The following RASGEF1A variants were observed in gnomAD, a reference collection of about 807,000 sequenced individuals.
The protein encoded by RASGEF1A is ras-GEF domain-containing family member 1A.
A neutral mutation model predicts 56.4 loss-of-function variants in RASGEF1A; 18 were observed. The observed-to-expected ratio is 0.32, with a 90% CI of 0.22 to 0.47. RASGEF1A has a LOEUF of 0.47. Ranked by LOEUF, RASGEF1A falls within the 20% of genes least tolerant of loss-of-function variation. The pLI, the probability that RASGEF1A is intolerant of heterozygous loss-of-function variation, is 1.00. For missense variants in RASGEF1A, 422 were observed against 627.1 expected (o/e 0.67, Z 3.49); for synonymous variants, 245 against 242.6 (o/e 1.01, Z -0.09).
intron 1 of RASGEF1A, 41 bp from the exon 2 acceptor site, chr10:43,206,163 T>A (rs1839993029): frequency 6.8e-7 from 1 of 1,462,790 alleles, no homozygotes; most frequent in Non-Finnish European, 9.3e-7. Flanking sequence ...CAAAGGCGCC[T>A]CCACAGCTCC....
chr10:43,213,030 T>C (rs58209600), intron 1 of RASGEF1A, among the ~76,000 whole-genome samples: 2,576 of 152,164 alleles, frequency 0.017, 86 homozygotes, highest in African/African-American at 0.059. Context: ...CCCACTCAGG[T>C]GGGAGCTGAA....
intron 2 of RASGEF1A, 148 bp downstream of exon 2, chr10:43,205,771 A>G (rs981367402): frequency 3.1e-6 from 2 of 650,536 alleles, no homozygotes; most frequent in Admixed American, 5.4e-5. Context: ...AGAAGGCCCT[A>G]GAGGTGGGCC....
At chr10:43,211,761 A>T (rs1317808706) in intron 1 of RASGEF1A, among the ~76,000 whole-genome samples, 1 of 152,038 alleles carries the variant, frequency 6.6e-6, no homozygotes, top group Non-Finnish European at 1.5e-5. Context: ...CCTTTCCTGC[A>T]GTTGCAGATC....
chr10:43,229,829 C>A, intron 1 of RASGEF1A: 1 of 1,011,662 alleles, frequency 9.9e-7, no homozygotes, highest in Non-Finnish European at 1.3e-6. Context: ...CTGGGGACCG[C>A]GGGGTCCGGG....
Position 43,229,529 on chromosome 10 carries a change from C to G in RASGEF1A, c.-6-23407G>C, listed in dbSNP as rs973722138. ...GCGGCGCGCGGGTCCTCAGGGCGGG[C>G]ACCCTCCCGCACGGGTCGGGATGCA... On this transcript the variant is annotated intron_variant, in intron 1 of 12. Coordinates refer to ENST00000395810, the MANE Select transcript of RASGEF1A (RefSeq NM_145313.4). The G allele has an allele frequency of 1.5e-5, 14 of 927,832 alleles. No individual in the cohort carries two copies. In the African/African-American group the frequency reaches 2.3e-4, roughly 15 times the overall value. 57.5% of individuals were successfully genotyped at this position (927,832 alleles called of 1,614,324 possible). A position where few individuals can be genotyped will look rare whatever the true frequency, so the allele number is the denominator to read the frequency against.
intron 1 of RASGEF1A, among the ~76,000 whole-genome samples, chr10:43,244,700 T>A (rs916255635): frequency 5.8e-5 from 8 of 138,344 alleles, no homozygotes; most frequent in Non-Finnish European, 1.3e-4. Context: ...AAATAACCAA[T>A]GGAAAAAGAA....
At chr10:43,232,934 G>A (rs1230219212) in intron 1 of RASGEF1A, among the ~76,000 whole-genome samples, 9 of 152,120 alleles carry the variant, frequency 5.9e-5, no homozygotes, top group South Asian at 2.1e-4. Flanking sequence ...CCTCAATCTC[G>A]ATGAAGGCAG....
chr10:43,256,675 T>C (rs1019404226), intron 1 of RASGEF1A, among the ~76,000 whole-genome samples: 4 of 152,180 alleles, frequency 2.6e-5, no homozygotes, highest in Non-Finnish European at 5.9e-5. Context: ...TCTCTCCACG[T>C]TGGGGCTGAG....
At chr10:43,241,381 A>AAC (rs934727903) in intron 1 of RASGEF1A, among the ~76,000 whole-genome samples, 1 of 152,236 alleles carries the variant, frequency 6.6e-6, no homozygotes, top group African/African-American at 2.4e-5. Context: ...TTATGGCAGT[A>AAC]ACAGCACAAA....
At chr10:43,202,357 G>A (rs1228447788) in intron 3 of RASGEF1A, among the ~76,000 whole-genome samples, 1 of 152,174 alleles carries the variant, frequency 6.6e-6, no homozygotes, top group Admixed American at 6.5e-5. Context: ...GTGTGACCCC[G>A]AGGGGAGGCG....
intron 1 of RASGEF1A, among the ~76,000 whole-genome samples, chr10:43,232,451 A>T (rs1840382919): frequency 6.6e-6 from 1 of 150,468 alleles, no homozygotes; most frequent in African/African-American, 2.4e-5. Context: ...GATCTAATTA[A>T]ACCTCTTTTC....
chr10:43,242,943 C>T (rs1046197530), intron 1 of RASGEF1A, among the ~76,000 whole-genome samples: 2 of 152,238 alleles, frequency 1.3e-5, no homozygotes, highest in East Asian at 1.9e-4. Flanking sequence ...AGCCTCTGCC[C>T]GCCCGCCACC....
intron 1 of RASGEF1A, among the ~76,000 whole-genome samples, chr10:43,216,761 G>T (rs1315775745): frequency 5.3e-5 from 8 of 152,156 alleles, no homozygotes; most frequent in Admixed American, 5.2e-4. Flanking sequence ...AGGGAGGAAA[G>T]AAGGAGGGGC....
chr10:43,220,321 A>G lies in RASGEF1A; in HGVS notation c.-6-14199T>C, dbSNP rs536772618. Among the ~76,000 whole-genome samples the G allele has an allele frequency of 2.0e-5, 3 of 152,322 alleles. No homozygotes were observed. In the East Asian group the frequency reaches 5.8e-4, roughly 29 times the overall value. On this transcript the variant is annotated intron_variant, in intron 1 of 12. Transcript: ENST00000395810. ...CAAGACCAGCCTGGGCAACATAGGG[A>G]GATCCCTGTCTCTACAGAAAAATTA...
chr10:43,238,029 G>A (rs555068316), intron 1 of RASGEF1A, among the ~76,000 whole-genome samples: 1 of 147,974 alleles, frequency 6.8e-6, no homozygotes, highest in Non-Finnish European at 1.5e-5. Context: ...CAGGCCTGAC[G>A]CAGGTGTGCC....
Position 43,194,931 on chromosome 10 carries a change from G to A in RASGEF1A, c.*1313C>T, listed in dbSNP as rs1444345091. ...TATTCCTGCTCCACCCAGGACCAGA[G>A]GCATGGGCAGCGGGCCCAGGGCTGC... On this transcript the variant is annotated 3_prime_UTR_variant, in exon 13 of 13. Coordinates refer to ENST00000395810, the MANE Select transcript of RASGEF1A (RefSeq NM_145313.4). 1 of 152,740 alleles carries A rather than the reference G, an allele frequency of 6.5e-6. No individual in the cohort carries two copies. The highest frequency in any genetic ancestry group is 1.5e-5 in the Non-Finnish European group (1 of 68,124). The allele number at this position is 152,740 out of a possible 1,614,324, so 9.5% of individuals were successfully genotyped here. A position where few individuals can be genotyped will look rare whatever the true frequency, so the allele number is the denominator to read the frequency against.
In RASGEF1A at chr10:43,196,623, G is replaced by A. The variant is rs1240443052; in HGVS notation, c.1349-75C>T. On this transcript the variant is annotated intron_variant, in intron 11 of 12. Coordinates refer to ENST00000395810, the MANE Select transcript of RASGEF1A (RefSeq NM_145313.4). The surrounding 1 kb of genome is among the most constrained non-coding windows in gnomAD (Gnocchi z 4.6). ...CCTGAACCCAGCTGTCCCTTCAGGA[G>A]TACAGCCCAGCACAAGGGGACAGTG... 7.4e-7 allele frequency: 1 copy of A among 1,347,556 alleles called. No homozygotes were observed. 83.5% of individuals were successfully genotyped at this position (1,347,556 alleles called of 1,614,324 possible). A position where few individuals can be genotyped will look rare whatever the true frequency, so the allele number is the denominator to read the frequency against.
intron 1 of RASGEF1A, among the ~76,000 whole-genome samples, chr10:43,210,781 G>A (rs908896952): frequency 2.0e-5 from 3 of 152,206 alleles, no homozygotes; most frequent in Non-Finnish European, 4.4e-5. Flanking sequence ...CAGCCAGTGT[G>A]CCAGACCAGT....
chr10:43,199,206 C>T lies in RASGEF1A; in HGVS notation c.850-12G>A, dbSNP rs1282193839. ...TTCTTCTTCACCACCTGGAAGGTGG[C>T]AGGTGACCTCAGCATGGCGCTGCCG... On this transcript the variant is annotated splice_polypyrimidine_tract_variant and intron_variant, in intron 7 of 12. Coordinates refer to ENST00000395810, the MANE Select transcript of RASGEF1A (RefSeq NM_145313.4). The T allele has an allele frequency of 6.3e-7, 1 of 1,582,538 alleles. No individual in the cohort carries two copies. Among genetic ancestry groups the T allele is most frequent in the Non-Finnish European group, 8.6e-7 (1 of 1,158,476 alleles).
Sources: allele counts gnomAD v4.1 joint callset (sites outside exome capture counted in the v4.1 genomes callset), GRCh38; gene constraint gnomAD v4.1.1; non-coding constraint Gnocchi (gnomAD v3.1); transcripts MANE v1.5; gene names NCBI Gene and HGNC (gene_info 2026-07-23, HGNC 2026-07-21).